The following SNX14 variants were observed in gnomAD, a reference collection of about 807,000 sequenced individuals.
The protein encoded by SNX14 is sorting nexin 14, also known as sorting nexin-14.
SNX14 carries 93 observed loss-of-function variants against 133.8 expected under a neutral mutation model. That is an observed-to-expected ratio of 0.70 (90% CI 0.59 to 0.83). The LOEUF is 0.83. Ranked by LOEUF, SNX14 falls within the 40% of genes least tolerant of loss-of-function variation. SNX14 has a pLI of 0.00. For synonymous variants in SNX14, 368 were observed against 365.6 expected (o/e 1.01, Z -0.07); for missense variants, 945 against 1,094.9 (o/e 0.86, Z 1.93).
chr6:85,553,786 CA>C (rs34112686), intron 7 of SNX14, among the ~76,000 whole-genome samples: 121 of 136,346 alleles, frequency 8.9e-4, no homozygotes, highest in Non-Finnish European at 9.7e-4. Context: ...ACTCCGTCTC[CA>C]AAAAAAAAAA....
At position 85,556,412 on chromosome 6, in the gene SNX14, T is replaced by A. The variant is rs575079682; in HGVS notation, c.634+1564A>T. Among the ~76,000 whole-genome samples, 143 of 151,750 alleles carry A rather than the reference T, an allele frequency of 9.4e-4. 1 individual carries two copies. The highest frequency in any genetic ancestry group is 6.1e-3 in the South Asian group (29 of 4,780). ...GACCTCATCTCTGAAAGAAAAAAAA[T>A]TTGTTTTTAATTTAAAAAGAAAAAG... On this transcript the variant is annotated intron_variant, in intron 7 of 28. Coordinates refer to ENST00000314673, the MANE Select transcript of SNX14 (RefSeq NM_153816.6).
Position 85,538,821 on chromosome 6 carries a change from A to G in SNX14, c.1475+17T>C. ...AAAACATTTAATACTGAAAAGAATC[A>G]CATGCTCAAGACTTACCGAAAATCA... On this transcript the variant is annotated intron_variant, in intron 16 of 28. Transcript: ENST00000314673. 6.3e-7 allele frequency: 1 copy of G among 1,586,968 alleles called. No homozygotes were observed.
chr6:85,509,990 G>C (rs1429516234), intron 26 of SNX14, among the ~76,000 whole-genome samples: 1 of 152,062 alleles, frequency 6.6e-6, no homozygotes, highest in Non-Finnish European at 1.5e-5. Flanking sequence ...TTCCTTTATA[G>C]CACTGAATAA....
At chr6:85,536,016 C>T (rs1459342773) in intron 17 of SNX14, among the ~76,000 whole-genome samples, 1 of 152,058 alleles carries the variant, frequency 6.6e-6, no homozygotes, top group African/African-American at 2.4e-5. Context: ...CAATACTTGC[C>T]TTTATGGGAC....
At chr6:85,527,397 AT>A (rs35426099) in intron 20 of SNX14, among the ~76,000 whole-genome samples, 1 of 135,822 alleles carries the variant, frequency 7.4e-6, no homozygotes, top group Non-Finnish European at 1.6e-5. Context: ...ATATATATAT[AT>A]TTTTTTTTCA....
At chr6:85,530,382 C>T (rs897697108) in intron 18 of SNX14, 107 bp from the exon 19 acceptor site, 17 of 657,428 alleles carry the variant, frequency 2.6e-5, no homozygotes, top group African/African-American at 3.8e-5. Flanking sequence ...CGGTGGCTCA[C>T]GCCTATAATC....
intron 1 of SNX14, among the ~76,000 whole-genome samples, chr6:85,585,470 T>C (rs1304321545): frequency 6.7e-6 from 1 of 148,222 alleles, no homozygotes; most frequent in African/African-American, 2.5e-5. Context: ...AAACAATAAA[T>C]CCAAACACAT....
intron 4 of SNX14, among the ~76,000 whole-genome samples, chr6:85,570,190 T>G (rs1268756952): frequency 6.6e-6 from 1 of 152,244 alleles, no homozygotes; most frequent in East Asian, 1.9e-4. Flanking sequence ...ATATCTTCAC[T>G]TTTAATCACT....
intron 4 of SNX14, 135 bp downstream of exon 4, chr6:85,572,002 A>C (rs140383716): frequency 7.3e-5 from 49 of 667,434 alleles, no homozygotes; most frequent in African/African-American, 7.3e-4. Flanking sequence ...GTCTGCAATA[A>C]TCAACTGCCT....
intron 1 of SNX14, among the ~76,000 whole-genome samples, chr6:85,580,274 C>A (rs1353505053): frequency 6.6e-6 from 1 of 152,044 alleles, no homozygotes; most frequent in Non-Finnish European, 1.5e-5. Context: ...AAGGAAGGAC[C>A]CATCCTGGCA....
At chr6:85,557,735 G>T (rs1304622178) in intron 7 of SNX14, among the ~76,000 whole-genome samples, 17 of 152,124 alleles carry the variant, frequency 1.1e-4, no homozygotes, top group Non-Finnish European at 2.5e-4. Context: ...CAGAGAAATA[G>T]ATTACCATTC....
chr6:85,546,560 T>G (rs964984499), intron 12 of SNX14, among the ~76,000 whole-genome samples: 2 of 152,178 alleles, frequency 1.3e-5, no homozygotes, highest in African/African-American at 4.8e-5. Context: ...TACTGTACTT[T>G]TAGTATTTTT....
chr6:85,530,117 A>C lies in SNX14; in HGVS notation c.1894+75T>G, dbSNP rs559011537. 5.9e-6 allele frequency: 5 copies of C among 850,888 alleles called. No homozygotes were observed. In the East Asian group the frequency reaches 1.4e-4, roughly 24 times the overall value. 52.7% of individuals were successfully genotyped at this position (850,888 alleles called of 1,614,324 possible). A position where few individuals can be genotyped will look rare whatever the true frequency, so the allele number is the denominator to read the frequency against. On this transcript the variant is annotated intron_variant, in intron 19 of 28. Transcript: ENST00000314673. ...TGTATTTCAATTACTTAAAATAAAAAAATTAATCTGGTGTCATAGTTTTAA... is the reference window on the plus strand; with the variant it reads ...TGTATTTCAATTACTTAAAATAAAACAATTAATCTGGTGTCATAGTTTTAA...
intron 20 of SNX14, among the ~76,000 whole-genome samples, chr6:85,527,625 A>C (rs914293524): frequency 1.3e-5 from 2 of 152,152 alleles, no homozygotes; most frequent in Non-Finnish European, 2.9e-5. Context: ...AGCACTTGAT[A>C]AAGAAAGATG....
At chr6:85,559,649 T>C (rs1187411741) in intron 6 of SNX14, among the ~76,000 whole-genome samples, 1 of 152,160 alleles carries the variant, frequency 6.6e-6, no homozygotes, top group African/African-American at 2.4e-5. Flanking sequence ...TACCTTTCTA[T>C]AAAATGAATA....
At chr6:85,570,902 A>C (rs1341570627) in intron 4 of SNX14, among the ~76,000 whole-genome samples, 2 of 152,106 alleles carry the variant, frequency 1.3e-5, no homozygotes, top group Non-Finnish European at 2.9e-5. Context: ...TTTCTTACTA[A>C]GTCTTCTTAC....
intron 16 of SNX14, 30 bp downstream of exon 16, chr6:85,538,808 A>T: frequency 6.3e-7 from 1 of 1,575,606 alleles, no homozygotes; most frequent in Non-Finnish European, 8.6e-7. Context: ...AACATTTAAT[A>T]CTGAAAAGAA....
chr6:85,586,969 T>A (rs1801074435), intron 1 of SNX14, among the ~76,000 whole-genome samples: 1 of 151,966 alleles, frequency 6.6e-6, no homozygotes, highest in Admixed American at 6.6e-5. Context: ...TTCCTTGAAC[T>A]GAAGAAGTGG....
chr6:85,567,477 T>G (rs1012100055), intron 5 of SNX14, 57 bp downstream of exon 5: 4 of 1,231,514 alleles, frequency 3.2e-6, no homozygotes, highest in Non-Finnish European at 4.5e-6. Flanking sequence ...ATTAGCATGC[T>G]TAACTTAATA....
Sources: allele counts gnomAD v4.1 joint callset (sites outside exome capture counted in the v4.1 genomes callset), GRCh38; gene constraint gnomAD v4.1.1; transcripts MANE v1.5; gene names NCBI Gene and HGNC (gene_info 2026-07-23, HGNC 2026-07-21).